DOCK2: variants seen among roughly 807,000 people sequenced by gnomAD.
DOCK2 encodes the protein dedicator of cytokinesis 2.
A neutral mutation model predicts 248.9 loss-of-function variants in DOCK2; 87 were observed. That is an observed-to-expected ratio of 0.35 (90% CI 0.29 to 0.42). The LOEUF is 0.42. Among genes scored for constraint, DOCK2 ranks in the 10% least tolerant of loss-of-function variants. The pLI is 1.00. For missense variants in DOCK2, 1,747 were observed against 2,300.2 expected, an observed-to-expected ratio of 0.76 and a Z score of 4.92; for synonymous variants, 805 against 821.6, an observed-to-expected ratio of 0.98 and a Z score of 0.35.
intron 43 of DOCK2, chr5:170,057,067 A>G (rs1757157425): frequency 5.0e-6 from 2 of 399,612 alleles, no homozygotes; most frequent in Non-Finnish European, 9.1e-6. Context: ...AGGGGTGTTG[A>G]TAAAATCAAA....
intron 27 of DOCK2, among the ~76,000 whole-genome samples, chr5:169,926,106 C>T (rs945451021): frequency 3.3e-5 from 5 of 152,108 alleles, no homozygotes; most frequent in Admixed American, 2.6e-4. Context: ...AAGTGGGATG[C>T]TGTGGGAAAA....
intron 14 of DOCK2, among the ~76,000 whole-genome samples, chr5:169,703,564 A>G (rs112907199): frequency 6.6e-6 from 1 of 152,216 alleles, no homozygotes; most frequent in Non-Finnish European, 1.5e-5. Context: ...TTAAAAAATG[A>G]GGCTAATAAC....
At chr5:169,921,179 G>A (rs535738185) in intron 27 of DOCK2, among the ~76,000 whole-genome samples, 15 of 152,294 alleles carry the variant, frequency 9.8e-5, no homozygotes, top group African/African-American at 3.4e-4. Flanking sequence ...GATGGATAGG[G>A]AAAGTACTCA....
At chr5:170,030,177 C>T (rs1756081334) in intron 34 of DOCK2, among the ~76,000 whole-genome samples, 1 of 152,184 alleles carries the variant, frequency 6.6e-6, no homozygotes, top group Non-Finnish European at 1.5e-5. Context: ...CTGCGGCGGT[C>T]TTCAGATGAT....
chr5:169,950,597 G>C (rs905066805), intron 27 of DOCK2, among the ~76,000 whole-genome samples: 33 of 152,266 alleles, frequency 2.2e-4, no homozygotes, highest in African/African-American at 7.5e-4. Context: ...TCTTGCACCT[G>C]GATCATGCTA....
intron 27 of DOCK2, among the ~76,000 whole-genome samples, chr5:169,862,381 A>G (rs1771257556): frequency 6.6e-6 from 1 of 152,232 alleles, no homozygotes; most frequent in Admixed American, 6.5e-5. Flanking sequence ...GCAAATTAAG[A>G]TGGAAGCTCT....
chr5:170,005,340 C>T (rs143670971), intron 30 of DOCK2, among the ~76,000 whole-genome samples: 1 of 152,200 alleles, frequency 6.6e-6, no homozygotes, highest in Non-Finnish European at 1.5e-5. Context: ...TTTCTGGAGC[C>T]CAGCTGTATT....
At chr5:169,684,691 C>T (rs1226123949) in intron 8 of DOCK2, among the ~76,000 whole-genome samples, 1 of 152,104 alleles carries the variant, frequency 6.6e-6, no homozygotes, top group Non-Finnish European at 1.5e-5. Context: ...ACTCTGTTGC[C>T]CAGGCTGGAG....
At chr5:169,990,478 C>G (rs1045677983) in intron 29 of DOCK2, among the ~76,000 whole-genome samples, 1 of 152,138 alleles carries the variant, frequency 6.6e-6, no homozygotes, top group Non-Finnish European at 1.5e-5. Context: ...GATCCCAGAG[C>G]CTGCTGCATC....
At chr5:169,987,605 C>A (rs747582886) in intron 29 of DOCK2, among the ~76,000 whole-genome samples, 2 of 152,184 alleles carry the variant, frequency 1.3e-5, no homozygotes, top group Admixed American at 1.3e-4. Context: ...TGCTGGGTCC[C>A]ATGGGAGTGC....
chr5:169,798,168 A>T (rs552590908), intron 25 of DOCK2, among the ~76,000 whole-genome samples: 10 of 152,276 alleles, frequency 6.6e-5, no homozygotes, highest in African/African-American at 2.4e-4. Context: ...CAAGGCAAAC[A>T]CCCACTGTCT....
At chr5:169,812,853 G>A (rs896805616) in intron 26 of DOCK2, among the ~76,000 whole-genome samples, 1 of 152,240 alleles carries the variant, frequency 6.6e-6, no homozygotes, top group African/African-American at 2.4e-5. Context: ...CACTGAGCCT[G>A]GAGAGAACTC....
intron 27 of DOCK2, among the ~76,000 whole-genome samples, chr5:169,920,522 C>T (rs74972792): frequency 0.036 from 5,404 of 151,806 alleles, 187 homozygotes; most frequent in East Asian, 0.2. Context: ...AAATGCAAAC[C>T]GAGATCTCAC....
chr5:169,975,830 A>G (rs1373377496), intron 27 of DOCK2, among the ~76,000 whole-genome samples: 1 of 152,224 alleles, frequency 6.6e-6, no homozygotes, highest in African/African-American at 2.4e-5. Flanking sequence ...TTAAGAACAA[A>G]GCCTTTGGTA....
intron 26 of DOCK2, among the ~76,000 whole-genome samples, chr5:169,832,106 C>T (rs556194841): frequency 6.6e-6 from 1 of 152,244 alleles, no homozygotes; most frequent in South Asian, 2.1e-4. Flanking sequence ...CATTCTTGGG[C>T]AAGTTACTAA....
At chr5:169,912,171 C>G (rs556139518) in intron 27 of DOCK2, among the ~76,000 whole-genome samples, 1 of 152,222 alleles carries the variant, frequency 6.6e-6, no homozygotes, top group East Asian at 1.9e-4. Context: ...TCTTCTCCTT[C>G]TTTCTTCTTT....
At chr5:169,804,482 GT>G (rs1767207775) in intron 26 of DOCK2, among the ~76,000 whole-genome samples, 1 of 74,076 alleles carries the variant, frequency 1.3e-5, no homozygotes, top group Non-Finnish European at 3.6e-5. Flanking sequence ...GTGTGTGTGT[GT>G]GTGCGCGCGC....
At chr5:169,696,646 T>C (rs556827785) in intron 10 of DOCK2, among the ~76,000 whole-genome samples, 5 of 152,298 alleles carry the variant, frequency 3.3e-5, no homozygotes, top group Middle Eastern at 3.4e-3. Context: ...TTTATTAAAA[T>C]ATAAAATTTT....
chr5:169,684,714 A>G (rs990613340), intron 8 of DOCK2, among the ~76,000 whole-genome samples: 7 of 152,210 alleles, frequency 4.6e-5, no homozygotes, highest in African/African-American at 7.2e-5. Flanking sequence ...CATGGGTGCA[A>G]TCACGGCTCG....
Sources: gnomAD v4.1 joint callset for allele counts (sites outside exome capture counted in the v4.1 genomes callset) on GRCh38, gnomAD v4.1.1 for gene constraint, MANE v1.5 for transcripts, NCBI Gene and HGNC (gene_info 2026-07-23, HGNC 2026-07-21) for gene names.